The following RTN1 variants were observed in gnomAD, a reference collection of about 807,000 sequenced individuals.
RTN1 encodes reticulon-1.
RTN1 carries 25 observed loss-of-function variants against 65.5 expected under a neutral mutation model. That is an observed-to-expected ratio of 0.38 (90% CI 0.28 to 0.53). The LOEUF is 0.53. Ranked by LOEUF, RTN1 falls within the 20% of genes least tolerant of loss-of-function variation. The pLI is 0.79. For synonymous variants in RTN1, 471 were observed against 447.6 expected (o/e 1.05, Z -0.66); for missense variants, 983 against 1,025.4 (o/e 0.96, Z 0.57).
At chr14:59,611,851 T>C (rs1006197854) in intron 3 of RTN1, among the ~76,000 whole-genome samples, 4 of 152,192 alleles carry the variant, frequency 2.6e-5, no homozygotes, top group Admixed American at 6.5e-5. Flanking sequence ...TCTGTGTTTG[T>C]ATATGTGGAA....
chr14:59,862,728 A>T (rs1182867926), intron 1 of RTN1, among the ~76,000 whole-genome samples: 1 of 152,176 alleles, frequency 6.6e-6, no homozygotes, highest in Non-Finnish European at 1.5e-5. Context: ...CAAAAACAAG[A>T]TAACATATAC....
intron 1 of RTN1, among the ~76,000 whole-genome samples, chr14:59,769,401 T>C (rs1008155678): frequency 1.3e-5 from 2 of 152,136 alleles, no homozygotes; most frequent in Non-Finnish European, 2.9e-5. Context: ...TATAAAAACA[T>C]TTACCACTAA....
intron 1 of RTN1, among the ~76,000 whole-genome samples, chr14:59,850,878 T>C (rs1255395015): frequency 6.6e-6 from 1 of 152,234 alleles, no homozygotes; most frequent in African/African-American, 2.4e-5. Context: ...GTAGGTTTTT[T>C]TCTCTTGCAA....
intron 3 of RTN1, among the ~76,000 whole-genome samples, chr14:59,726,541 G>A (rs563745326): frequency 5.3e-5 from 8 of 152,182 alleles, no homozygotes; most frequent in Non-Finnish European, 1.2e-4. Context: ...ACTGAGCAGG[G>A]GAACTGGACC....
intron 1 of RTN1, among the ~76,000 whole-genome samples, chr14:59,748,634 G>C (rs1332507242): frequency 6.6e-6 from 1 of 151,738 alleles, no homozygotes; most frequent in African/African-American, 2.4e-5. Flanking sequence ...TTTATGCATC[G>C]ATTGTCTCCT....
At chr14:59,626,788 C>G (rs557344226) in intron 3 of RTN1, among the ~76,000 whole-genome samples, 46 of 152,218 alleles carry the variant, frequency 3.0e-4, no homozygotes, top group African/African-American at 6.7e-4. Flanking sequence ...AGGTATGTAA[C>G]AAGAACTTAG....
At chr14:59,706,615 T>C (rs1434607158) in intron 3 of RTN1, among the ~76,000 whole-genome samples, 1 of 152,238 alleles carries the variant, frequency 6.6e-6, no homozygotes, top group Non-Finnish European at 1.5e-5. Context: ...CATGTGAGTG[T>C]GTGCACACGT....
At chr14:59,738,516 G>A (rs1052155152) in intron 2 of RTN1, among the ~76,000 whole-genome samples, 1 of 152,200 alleles carries the variant, frequency 6.6e-6, no homozygotes, top group Non-Finnish European at 1.5e-5. Flanking sequence ...TGCTGGCAAG[G>A]TTGTGGAGAA....
intron 3 of RTN1, among the ~76,000 whole-genome samples, chr14:59,609,668 AGGTCTTTGAC>A (rs1486684262): frequency 6.6e-6 from 1 of 152,202 alleles, no homozygotes; most frequent in Non-Finnish European, 1.5e-5. Flanking sequence ...GCAGGGCTAA[AGGTCTTTGAC>A]GGTCCGGGGC....
At chr14:59,815,778 T>G (rs1256871842) in intron 1 of RTN1, among the ~76,000 whole-genome samples, 2 of 152,198 alleles carry the variant, frequency 1.3e-5, no homozygotes, top group Non-Finnish European at 2.9e-5. Flanking sequence ...GTCTGCCTTT[T>G]CAATACCTGA....
chr14:59,804,491 C>T (rs375904647), intron 1 of RTN1, among the ~76,000 whole-genome samples: 8 of 151,944 alleles, frequency 5.3e-5, no homozygotes, highest in East Asian at 1.9e-4. Flanking sequence ...TTGAATCTAT[C>T]GATATTTTTA....
intron 3 of RTN1, among the ~76,000 whole-genome samples, chr14:59,668,141 G>A (rs1306325790): frequency 6.6e-6 from 1 of 152,144 alleles, no homozygotes; most frequent in Non-Finnish European, 1.5e-5. Flanking sequence ...GGCCCACATT[G>A]CCAAGTGAAT....
At chr14:59,687,100 G>A (rs1036778321) in intron 3 of RTN1, among the ~76,000 whole-genome samples, 7 of 152,194 alleles carry the variant, frequency 4.6e-5, no homozygotes, top group African/African-American at 7.2e-5. Flanking sequence ...TCTCATCTGG[G>A]TGATGAGACT....
chr14:59,777,219 T>C (rs182054183), intron 1 of RTN1, among the ~76,000 whole-genome samples: 45 of 152,296 alleles, frequency 3.0e-4, no homozygotes, highest in Middle Eastern at 6.8e-3. Context: ...ACCATGATCA[T>C]AGGCATGATG....
At chr14:59,850,308 T>G (rs1362746631) in intron 1 of RTN1, among the ~76,000 whole-genome samples, 1 of 152,236 alleles carries the variant, frequency 6.6e-6, no homozygotes, top group Admixed American at 6.5e-5. Flanking sequence ...ATCTGAAATA[T>G]GCTCAGAACA....
At chr14:59,654,311 C>T (rs2140201769) in intron 3 of RTN1, among the ~76,000 whole-genome samples, 1 of 151,900 alleles carries the variant, frequency 6.6e-6, no homozygotes, top group Admixed American at 6.6e-5. Context: ...GCCTGTAGCC[C>T]CAGCTACTCA....
At chr14:59,861,047 C>G (rs896763497) in intron 1 of RTN1, among the ~76,000 whole-genome samples, 1 of 152,078 alleles carries the variant, frequency 6.6e-6, no homozygotes, top group African/African-American at 2.4e-5. Context: ...CGAGTTAAGA[C>G]TTTGAGGGAC....
At chr14:59,636,693 TGAGAC>T (rs1170647008) in intron 3 of RTN1, among the ~76,000 whole-genome samples, 2 of 152,234 alleles carry the variant, frequency 1.3e-5, no homozygotes, top group Non-Finnish European at 2.9e-5. Context: ...GGGTTCTGTT[TGAGAC>T]CACTACAATG....
intron 3 of RTN1, among the ~76,000 whole-genome samples, chr14:59,670,626 CAT>C (rs963927254): frequency 2.1e-5 from 3 of 143,202 alleles, no homozygotes; most frequent in East Asian, 2.0e-4. Context: ...CAATTCGGCA[CAT>C]GTTTTAACCA....
Sources: gnomAD v4.1 joint callset for allele counts (sites outside exome capture counted in the v4.1 genomes callset) on GRCh38, gnomAD v4.1.1 for gene constraint, MANE v1.5 for transcripts, NCBI Gene and HGNC (gene_info 2026-07-23, HGNC 2026-07-21) for gene names.